NOP9: variants seen among roughly 807,000 people sequenced by gnomAD.
The protein encoded by NOP9 is NOP9 nucleolar protein.
Under a neutral mutation model 63.0 loss-of-function variants are expected in NOP9, and 50 were observed. That is an observed-to-expected ratio of 0.79 (90% confidence interval 0.63 to 1.00). The LOEUF is 1.00. NOP9 is among the 50% of genes least tolerant of loss of function. The probability of loss-of-function intolerance (pLI) is 0.00; values close to 1 mark genes in which losing one functional copy is unlikely to be tolerated. For synonymous variants in NOP9, 343 were observed against 332.8 expected, an observed-to-expected ratio of 1.03 and a Z score of -0.33; for missense variants, 758 against 803.0, an observed-to-expected ratio of 0.94 and a Z score of 0.68.
In NOP9 at chr14:24,307,502, T is replaced by A. The variant is rs1447865591; in HGVS notation, c.*2407T>A. 1 of 1,613,750 alleles carries A rather than the reference T, an allele frequency of 6.2e-7. No homozygotes were observed. The highest frequency in any genetic ancestry group is 8.5e-7 in the Non-Finnish European group (1 of 1,179,858). On this transcript the variant is annotated 3_prime_UTR_variant, in exon 10 of 10. Transcript: ENST00000267425. ...ACCCTCCGTCCAAACTCCGAGCTTA[T>A]ATTAGATACTGACCTGGTAGTTGAG...
chr14:24,304,791 C>T, intron 9 of NOP9, 147 bp from the exon 10 acceptor site: 1 of 999,014 alleles, frequency 1.0e-6, no homozygotes, highest in Non-Finnish European at 1.4e-6. Flanking sequence ...CCTCACCCTG[C>T]CCTCTGACTT....
chr14:24,300,526 T>C lies in NOP9; in HGVS notation c.366T>C (p.Leu122=). 1.2e-6 allele frequency: 2 copies of C among 1,614,222 alleles called. No individual in the cohort carries two copies. Among genetic ancestry groups the C allele is most frequent in the East Asian group, 4.5e-5 (2 of 44,888 alleles). Reference sequence around the variant, plus strand: ...TGGGATTCAGTCCCTTGAAACCGCTTTGTCGCGTGTGGGCTGCTCTGCGCT... The same window carrying C: ...TGGGATTCAGTCCCTTGAAACCGCTCTGTCGCGTGTGGGCTGCTCTGCGCT... The part of the protein sequence containing the change: ...ELLGFSPLKP[L]CRVWAALRSN... Residue 122 remains leucine (L), a synonymous_variant, in exon 2 of 10, where the codon CTT becomes CTC. Transcript: ENST00000267425.
the NOP9 span, among the ~76,000 whole-genome samples, chr14:24,283,620 A>G: frequency 6.6e-6 from 1 of 152,120 alleles, no homozygotes; most frequent in African/African-American, 2.4e-5. Flanking sequence ...TAAATAAATA[A>G]AGGACAGAGC....
chr14:24,296,021 C>A (rs1195050164), upstream of NOP9, among the ~76,000 whole-genome samples: 2 of 152,212 alleles, frequency 1.3e-5, no homozygotes, highest in Non-Finnish European at 2.9e-5. Flanking sequence ...CTAAATGACC[C>A]TGTGTGACCC....
At position 24,307,686 on chromosome 14, in the gene NOP9, T is replaced by C. The variant is rs2139153049; in HGVS notation, c.*2591T>C. On this transcript the variant is annotated 3_prime_UTR_variant, in exon 10 of 10. Coordinates refer to ENST00000267425, the MANE Select transcript of NOP9 (RefSeq NM_174913.3). ...GGTGGGGGCGGGTGGCTCAGGAGCT[T>C]GACAAGCCCACTGTGGAGTGGGGAG... 1 of 1,268,716 alleles carries C rather than the reference T, an allele frequency of 7.9e-7. No individual in the cohort carries two copies. The highest frequency in any genetic ancestry group is 1.1e-6 in the Non-Finnish European group (1 of 894,584). 78.6% of individuals were successfully genotyped at this position (1,268,716 alleles called of 1,614,324 possible).
the NOP9 span, chr14:24,291,071 C>T: frequency 1.7e-5 from 28 of 1,612,858 alleles, no homozygotes; most frequent in African/African-American, 1.3e-4. Flanking sequence ...CTGGAGAGAC[C>T]GAGGGAGGAG....
chr14:24,305,754 C>T lies in NOP9; in HGVS notation c.*659C>T, dbSNP rs368449983. The T allele has an allele frequency of 1.3e-5, 21 of 1,613,304 alleles. No individual in the cohort carries two copies. Among genetic ancestry groups the T allele is most frequent in the African/African-American group, 1.1e-4 (8 of 74,970 alleles). The stretch of plus-strand genomic sequence containing the variant: ...GCCTTGCAGCAGTGTGGAGGTCCAA[C>T]GAAGGAGCTCCCTGAATGGCAGAGA... On this transcript the variant is annotated 3_prime_UTR_variant, in exon 10 of 10. Coordinates refer to ENST00000267425, the MANE Select transcript of NOP9 (RefSeq NM_174913.3).
At chr14:24,302,887 G>T (rs1340576054) in intron 5 of NOP9, among the ~76,000 whole-genome samples, 187 bp from the exon 6 acceptor site, 1 of 152,242 alleles carries the variant, frequency 6.6e-6, no homozygotes, top group African/African-American at 2.4e-5. Context: ...GTTCCTTCCT[G>T]TGAGGTGGCA....
the NOP9 span, among the ~76,000 whole-genome samples, chr14:24,274,976 C>T: frequency 1.4e-5 from 2 of 144,902 alleles, no homozygotes; most frequent in South Asian, 2.2e-4. Flanking sequence ...GCAATGGCAC[C>T]ATCTTGGCTC....
At chr14:24,299,014 G>T (rs150092528), upstream of NOP9, 26 of 1,613,808 alleles carry the variant, frequency 1.6e-5, no homozygotes, top group African/African-American at 2.3e-4. Context: ...AAACTGTGGC[G>T]CCTGCTTTGC....
Position 24,302,274 on chromosome 14 carries a change from C to G in NOP9, c.993C>G (p.Leu331=), listed in dbSNP as rs149379909. The part of the protein sequence containing the change: ...LFLRDQTSSR[L]LEQVLLVLEP... Reference sequence around the variant, plus strand: ...TCCGAGATCAGACGAGTTCCAGACTCCTGGAGCAGGTCCTGCTGGTGTTGG... The same window carrying G: ...TCCGAGATCAGACGAGTTCCAGACTGCTGGAGCAGGTCCTGCTGGTGTTGG... Residue 331 remains leucine (L), a synonymous_variant, in exon 5 of 10, where the codon CTC becomes CTG. Transcript: ENST00000267425. 6.2e-7 allele frequency: 1 copy of G among 1,614,042 alleles called. No homozygotes were observed. Among genetic ancestry groups the G allele is most frequent in the African/African-American group, 1.3e-5 (1 of 74,936 alleles).
the NOP9 span, chr14:24,290,929 A>G: frequency 1.1e-5 from 18 of 1,613,996 alleles, no homozygotes; most frequent in South Asian, 1.9e-4. Context: ...GTAGGAGGCC[A>G]GCCAGCCCAG....
chr14:24,302,762 C>T (rs1181726010), intron 5 of NOP9, among the ~76,000 whole-genome samples: 1 of 152,160 alleles, frequency 6.6e-6, no homozygotes, highest in Non-Finnish European at 1.5e-5. Context: ...CTGCTTAGGA[C>T]TAAGGTGGGC....
chr14:24,304,569 G>A lies in NOP9; in HGVS notation c.1724G>A (p.Arg575Lys), dbSNP rs777750208. ...LDAIWSGAALRARKEIAAELG... is the reference protein window; with the variant it reads ...LDAIWSGAALKARKEIAAELG... ...GCCATCTGGAGTGGAGCAGCCTTGA[G>A]GGCCCGGAAGGAAATTGCTGCTGAG... Residue 575 changes from arginine (R) to lysine (K), a missense_variant, in exon 9 of 10, where the codon AGG becomes AAG. Arg to Lys is a conservative substitution (Grantham distance 26, BLOSUM62 2). Transcript: ENST00000267425. 6.2e-7 allele frequency: 1 copy of A among 1,612,460 alleles called. No individual in the cohort carries two copies. Among genetic ancestry groups the A allele is most frequent in the Non-Finnish European group, 8.5e-7 (1 of 1,179,498 alleles).
the NOP9 span, among the ~76,000 whole-genome samples, chr14:24,282,825 C>G: frequency 2.0e-5 from 3 of 152,234 alleles, no homozygotes; most frequent in African/African-American, 7.2e-5. Context: ...TCCAGTTCCT[C>G]TCCACTGCTG....
upstream of NOP9, chr14:24,296,504 C>G: frequency 6.2e-7 from 1 of 1,614,090 alleles, no homozygotes; most frequent in Non-Finnish European, 8.5e-7. Context: ...CAGTGGAGCA[C>G]CCACCTGAGT....
At chr14:24,296,478 G>C, upstream of NOP9, 1 of 1,611,308 alleles carries the variant, frequency 6.2e-7, no homozygotes, top group Non-Finnish European at 8.5e-7. Context: ...AGTGAGTGAG[G>C]GAACATGGGT....
chr14:24,300,824 G>A lies in NOP9; in HGVS notation c.664G>A (p.Glu222Lys). The change falls in exon 2 of 10, where the codon GAG (glutamate) becomes AAG (lysine). Residue 222 changes from glutamate (E) to lysine (K), a missense_variant. Coordinates refer to ENST00000267425, the MANE Select transcript of NOP9 (RefSeq NM_174913.3). ...QVLGGTILES[E>K]RARPRGSQSS... ...GTTAGGAGGGACTATTCTGGAGTCT[G>A]AGAGAGCCAGGCCCCGTGGTTCCCA... 16 of 1,613,972 alleles carry A rather than the reference G, an allele frequency of 9.9e-6. No homozygotes were observed. The highest frequency in any genetic ancestry group is 1.4e-5 in the Non-Finnish European group (16 of 1,179,838).
the NOP9 span, chr14:24,292,378 T>A: frequency 6.2e-7 from 1 of 1,609,040 alleles, no homozygotes; most frequent in Non-Finnish European, 8.5e-7. Context: ...CCATGTCACT[T>A]TCCTGCCCTG....
Sources: gnomAD v4.1 joint callset for allele counts (sites outside exome capture counted in the v4.1 genomes callset) on GRCh38, gnomAD v4.1.1 for gene constraint, MANE v1.5 for transcripts, NCBI Gene and HGNC (gene_info 2026-07-23, HGNC 2026-07-21) for gene names.